GFI1B: variants seen among roughly 807,000 people sequenced by gnomAD.
The protein encoded by GFI1B is zinc finger protein Gfi-1b.
Under a neutral mutation model 35.3 loss-of-function variants are expected in GFI1B, and 20 were observed. The ratio of observed to expected loss-of-function variants is 0.57; its 90% CI spans 0.40 to 0.82. GFI1B has a LOEUF of 0.82. Ranked by LOEUF, GFI1B falls within the 40% of genes least tolerant of loss-of-function variation. The pLI, the probability that GFI1B is intolerant of heterozygous loss-of-function variation, is 0.00. For synonymous variants in GFI1B, 178 were observed against 177.6 expected, an observed-to-expected ratio of 1.00 and a Z score of -0.02; for missense variants, 430 against 446.3, an observed-to-expected ratio of 0.96 and a Z score of 0.33.
intron 1 of GFI1B, among the ~76,000 whole-genome samples, chr9:132,950,492 T>C (rs1848184443): frequency 6.6e-6 from 1 of 150,508 alleles, no homozygotes; most frequent in South Asian, 2.1e-4. Flanking sequence ...AAACCTCTAC[T>C]TCAAGGTCAA....
chr9:132,957,884 A>G (rs1183639938), intron 1 of GFI1B, among the ~76,000 whole-genome samples: 1 of 152,220 alleles, frequency 6.6e-6, no homozygotes, highest in African/African-American at 2.4e-5. Context: ...GGCAACATGC[A>G]TTGAGTACCG....
At chr9:132,985,044 GC>G (rs1271839634) in intron 1 of GFI1B, among the ~76,000 whole-genome samples, 1 of 150,048 alleles carries the variant, frequency 6.7e-6, no homozygotes, top group Non-Finnish European at 1.5e-5. Flanking sequence ...CACCCCTGCA[GC>G]CTTGCATGGC....
Position 132,989,206 on chromosome 9 carries a change from C to T in GFI1B, c.648+8C>T, listed in dbSNP as rs376231933. The T allele has an allele frequency of 8.2e-5, 132 of 1,610,838 alleles. No individual in the cohort carries two copies. Among genetic ancestry groups the T allele is most frequent in the Admixed American group, 2.2e-4 (13 of 60,002 alleles). On this transcript the variant is annotated splice_region_variant and intron_variant, in intron 5 of 6. Transcript: ENST00000372122. This position sits in a 1 kb window ranked among gnomAD's most constrained non-coding sequence, Gnocchi z 6.2. Reference sequence around the variant, plus strand: ...ACGCACGTCCACTCCCAGGTGGGCACCTGGCCCAGCGCAGGACTCCCAGCC... The same window carrying T: ...ACGCACGTCCACTCCCAGGTGGGCATCTGGCCCAGCGCAGGACTCCCAGCC...
intron 1 of GFI1B, among the ~76,000 whole-genome samples, chr9:132,968,555 C>T (rs1335702515): frequency 1.3e-5 from 2 of 152,068 alleles, no homozygotes; most frequent in Non-Finnish European, 1.5e-5. Context: ...TTGGGGTGTT[C>T]ATTAGATAAG....
At chr9:132,987,975 G>T (rs529973776) in intron 3 of GFI1B, among the ~76,000 whole-genome samples, 1 of 152,312 alleles carries the variant, frequency 6.6e-6, no homozygotes, top group South Asian at 2.1e-4. Context: ...CTCCCTAGTA[G>T]CTGGGATTAT....
chr9:132,978,316 A>C (rs1848693734), upstream of GFI1B, among the ~76,000 whole-genome samples: 1 of 151,240 alleles, frequency 6.6e-6, no homozygotes, highest in Non-Finnish European at 1.5e-5. Context: ...GAAGGAGGGA[A>C]GGAAGAAAAA....
At chr9:132,987,154 C>A in intron 2 of GFI1B, 128 bp from the exon 3 acceptor site, 2 of 1,055,482 alleles carry the variant, frequency 1.9e-6, no homozygotes, top group Non-Finnish European at 2.9e-6. Context: ...GAGTGTGAGC[C>A]GCCAGAAGCA....
In GFI1B at chr9:132,986,705, C is replaced by A. The variant is rs528249677; in HGVS notation, c.27C>A (p.Ser9Arg). MPRSFLVK[S>R]KKAHTYHQPR... is the part of the protein sequence containing the mutation. ...TGCCACGCTCCTTCCTGGTGAAGAGCAAGAAGGCTCACACCTACCACCAGC... is the reference window on the plus strand; with the variant it reads ...TGCCACGCTCCTTCCTGGTGAAGAGAAAGAAGGCTCACACCTACCACCAGC... The change falls in exon 2 of 7, where the codon AGC (serine) becomes AGA (arginine). Residue 9 changes from serine (S) to arginine (R), a missense_variant. Ser to Arg is a moderately radical substitution (Grantham distance 110). Coordinates refer to ENST00000372122, the MANE Select transcript of GFI1B (RefSeq NM_001377304.1). 6 of 1,612,216 alleles carry A rather than the reference C, an allele frequency of 3.7e-6. No individual in the cohort carries two copies. Among genetic ancestry groups the A allele is most frequent in the Admixed American group, 3.3e-5 (2 of 59,876 alleles).
At chr9:132,965,228 A>T (rs1281947737) in intron 1 of GFI1B, among the ~76,000 whole-genome samples, 1 of 152,192 alleles carries the variant, frequency 6.6e-6, no homozygotes, top group African/African-American at 2.4e-5. Context: ...ATGGCTTTAG[A>T]TCCCAGCCCT....
chr9:132,970,748 G>A (rs1848521779), intron 1 of GFI1B, among the ~76,000 whole-genome samples: 2 of 152,128 alleles, frequency 1.3e-5, no homozygotes, highest in African/African-American at 4.8e-5. Flanking sequence ...TCTGGCCCAG[G>A]GTAAGCTTCA....
chr9:132,958,246 G>A (rs1414308176), intron 1 of GFI1B, among the ~76,000 whole-genome samples: 1 of 152,184 alleles, frequency 6.6e-6, no homozygotes, highest in African/African-American at 2.4e-5. Flanking sequence ...AAGGTGGTAA[G>A]ACGGGAGATA....
intron 1 of GFI1B, among the ~76,000 whole-genome samples, chr9:132,968,565 G>T (rs1005909247): frequency 2.0e-5 from 3 of 152,192 alleles, no homozygotes; most frequent in Non-Finnish European, 4.4e-5. Flanking sequence ...CATTAGATAA[G>T]ATTAATTCGC....
At chr9:132,951,185 T>G (rs576293721) in intron 1 of GFI1B, 1 of 152,244 alleles carries the variant, frequency 6.6e-6, no homozygotes, top group South Asian at 2.1e-4. Context: ...AAAAATAAAT[T>G]TATGTTTTAC....
intron 1 of GFI1B, among the ~76,000 whole-genome samples, chr9:132,950,192 A>G (rs991097161): frequency 3.3e-5 from 5 of 152,092 alleles, no homozygotes; most frequent in Admixed American, 6.5e-5. Flanking sequence ...CTGACAACCA[A>G]CACCACCATC....
intron 1 of GFI1B, among the ~76,000 whole-genome samples, chr9:132,982,487 CA>C (rs1273038869): frequency 3.3e-5 from 5 of 152,152 alleles, no homozygotes; most frequent in Non-Finnish European, 7.3e-5. Context: ...GACTCAGGGT[CA>C]GGGGGACTCT....
At chr9:132,982,023 G>T (rs1220016566) in intron 1 of GFI1B, among the ~76,000 whole-genome samples, 2 of 152,228 alleles carry the variant, frequency 1.3e-5, no homozygotes, top group African/African-American at 4.8e-5. Flanking sequence ...AAAGTGCTGG[G>T]ATTACAGGCG....
chr9:132,955,201 C>T (rs1380624267), intron 1 of GFI1B, among the ~76,000 whole-genome samples: 4 of 152,018 alleles, frequency 2.6e-5, no homozygotes, highest in African/African-American at 4.8e-5. Context: ...ATTCTCTTGA[C>T]CTTTGTCTGA....
At chr9:132,980,201 G>T (rs892601083) in intron 1 of GFI1B, among the ~76,000 whole-genome samples, 2 of 147,830 alleles carry the variant, frequency 1.4e-5, no homozygotes, top group Admixed American at 6.7e-5. Flanking sequence ...CCATTGCCCC[G>T]AAGCTTTCAG....
intron 1 of GFI1B, among the ~76,000 whole-genome samples, chr9:132,983,290 G>GTATCATTAAAAAA (rs1848900961): frequency 6.9e-6 from 1 of 144,884 alleles, no homozygotes; most frequent in Non-Finnish European, 1.5e-5. Flanking sequence ...TCCGCCTCCC[G>GTATCATTAAAAAA]GGTTCAAGCG....
Sources: allele counts gnomAD v4.1 joint callset (sites outside exome capture counted in the v4.1 genomes callset), GRCh38; gene constraint gnomAD v4.1.1; non-coding constraint Gnocchi (gnomAD v3.1); transcripts MANE v1.5; gene names NCBI Gene and HGNC (gene_info 2026-07-23, HGNC 2026-07-21).